MEGF10: variants seen among roughly 807,000 people sequenced by gnomAD.
MEGF10 encodes the protein multiple EGF like domains 10.
MEGF10 carries 86 observed loss-of-function variants against 147.5 expected under a neutral mutation model. That is an observed-to-expected ratio of 0.58 (90% CI 0.49 to 0.70). The LOEUF (loss-of-function observed/expected upper bound fraction) is 0.70. MEGF10 is among the 30% of genes least tolerant of loss of function. The pLI is 0.00. For missense variants in MEGF10, 1,329 were observed against 1,487.3 expected (o/e 0.89, Z 1.75); for synonymous variants, 478 against 525.5 (o/e 0.91, Z 1.24).
chr5:127,440,614 A>G, intron 17 of MEGF10, 125 bp from the exon 18 acceptor site: 2 of 963,996 alleles, frequency 2.1e-6, no homozygotes, highest in Admixed American at 4.2e-5. Flanking sequence ...GATATGTACT[A>G]TTCACTGTAT....
chr5:127,347,233 A>G (rs1761924745), intron 4 of MEGF10, among the ~76,000 whole-genome samples: 1 of 152,056 alleles, frequency 6.6e-6, no homozygotes. Context: ...ACATATACAT[A>G]TGTGTACTTG....
intron 13 of MEGF10, among the ~76,000 whole-genome samples, chr5:127,429,048 A>G (rs1358027229): frequency 6.6e-6 from 1 of 152,244 alleles, no homozygotes; most frequent in Non-Finnish European, 1.5e-5. Context: ...TCTCCTTATC[A>G]GCATTAGAAC....
At chr5:127,417,911 G>C in intron 10 of MEGF10, 99 bp downstream of exon 10, 1 of 1,240,632 alleles carries the variant, frequency 8.1e-7, no homozygotes, top group Non-Finnish European at 1.1e-6. Context: ...CAGTGAATGT[G>C]CTAAAGTCAT....
intron 5 of MEGF10, among the ~76,000 whole-genome samples, chr5:127,370,617 T>G (rs1415247051): frequency 6.6e-6 from 1 of 152,218 alleles, no homozygotes; most frequent in Non-Finnish European, 1.5e-5. Context: ...GAATTATAAT[T>G]CTAAAATGAT....
At chr5:127,368,901 A>G (rs1296757947) in intron 4 of MEGF10, among the ~76,000 whole-genome samples, 1 of 152,192 alleles carries the variant, frequency 6.6e-6, no homozygotes, top group Non-Finnish European at 1.5e-5. Flanking sequence ...TTGAGGAGAA[A>G]AATATGTAGG....
chr5:127,281,652 A>G, the MEGF10 span, among the ~76,000 whole-genome samples: 5 of 152,154 alleles, frequency 3.3e-5, no homozygotes, highest in African/African-American at 9.7e-5. Context: ...GGGATGAAGG[A>G]AAGGACAGGC....
intron 1 of MEGF10, among the ~76,000 whole-genome samples, chr5:127,326,449 A>T (rs1398780549): frequency 6.6e-6 from 1 of 152,202 alleles, no homozygotes; most frequent in Non-Finnish European, 1.5e-5. Flanking sequence ...CAGAGAAGTC[A>T]TGCTAATGCC....
intron 1 of MEGF10, among the ~76,000 whole-genome samples, chr5:127,315,052 G>A (rs1380720040): frequency 6.6e-6 from 1 of 151,968 alleles, no homozygotes; most frequent in Non-Finnish European, 1.5e-5. Flanking sequence ...TATAATAAAG[G>A]CAACAGGGAA....
At chr5:127,232,113 T>C in the MEGF10 span, among the ~76,000 whole-genome samples, 1 of 152,254 alleles carries the variant, frequency 6.6e-6, no homozygotes, top group East Asian at 1.9e-4. Flanking sequence ...GCATTTTTCA[T>C]GGATTTCAAA....
At chr5:127,354,244 G>T (rs78633278) in intron 4 of MEGF10, among the ~76,000 whole-genome samples, 1 of 152,070 alleles carries the variant, frequency 6.6e-6, no homozygotes, top group East Asian at 1.9e-4. Flanking sequence ...ATTTTGAGGC[G>T]AGGGCTTAAA....
chr5:127,252,731 C>A, the MEGF10 span, among the ~76,000 whole-genome samples: 78 of 151,934 alleles, frequency 5.1e-4, no homozygotes, highest in Non-Finnish European at 1.3e-4. Context: ...TTTTAACTTT[C>A]TATGATGAAA....
intron 4 of MEGF10, among the ~76,000 whole-genome samples, chr5:127,354,891 G>T (rs991404557): frequency 5.9e-5 from 9 of 152,194 alleles, no homozygotes; most frequent in African/African-American, 1.9e-4. Flanking sequence ...CCACAGGGGG[G>T]TCTGATTAGG....
rs1766449401 is a variant in MEGF10, at chr5:127,458,546, T to C, written c.*1228T>C. On this transcript the variant is annotated 3_prime_UTR_variant, in exon 25 of 25. Transcript: ENST00000503335. Reference sequence around the variant, plus strand: ...ATTCCTTGTATTATTGCCACTTATCTTTTGCTTGATAAAAATGCGTTGTTC... The same window carrying C: ...ATTCCTTGTATTATTGCCACTTATCCTTTGCTTGATAAAAATGCGTTGTTC... The C allele has an allele frequency of 6.6e-6, 1 of 152,236 alleles. No individual in the cohort carries two copies. Among genetic ancestry groups the C allele is most frequent in the Admixed American group, 6.5e-5 (1 of 15,290 alleles). 9.4% of individuals were successfully genotyped at this position (152,236 alleles called of 1,614,324 possible).
intron 7 of MEGF10, among the ~76,000 whole-genome samples, chr5:127,400,532 C>G (rs1764086249): frequency 6.6e-6 from 1 of 152,216 alleles, no homozygotes; most frequent in African/African-American, 2.4e-5. Flanking sequence ...CTATACTCAG[C>G]CTTTTGCCAG....
chr5:127,440,945 A>G, intron 18 of MEGF10, 78 bp downstream of exon 18: 1 of 1,556,294 alleles, frequency 6.4e-7, no homozygotes, highest in Non-Finnish European at 8.7e-7. Context: ...AGGAAATATT[A>G]AGGCAGAATT....
chr5:127,390,590 C>CT (rs1368125269), intron 5 of MEGF10, among the ~76,000 whole-genome samples: 4 of 152,030 alleles, frequency 2.6e-5, no homozygotes, highest in East Asian at 3.9e-4. Context: ...TGTGCCTGGC[C>CT]TTTTTAAAAT....
intron 8 of MEGF10, among the ~76,000 whole-genome samples, chr5:127,405,826 T>G (rs986804363): frequency 5.3e-5 from 8 of 152,130 alleles, no homozygotes; most frequent in African/African-American, 1.9e-4. Flanking sequence ...TTAATTTCAT[T>G]AAATGCCTTT....
chr5:127,350,963 T>G (rs1280024443), intron 4 of MEGF10, among the ~76,000 whole-genome samples: 3 of 146,842 alleles, frequency 2.0e-5, no homozygotes, highest in Non-Finnish European at 3.0e-5. Context: ...CTCATGGGGG[T>G]AGAGAGTAGA....
the MEGF10 span, among the ~76,000 whole-genome samples, chr5:127,230,253 C>T: frequency 6.6e-6 from 1 of 152,094 alleles, no homozygotes; most frequent in South Asian, 2.1e-4. Flanking sequence ...CACTTTTTCC[C>T]CTTCCTAGCC....
Sources: allele counts gnomAD v4.1 joint callset (sites outside exome capture counted in the v4.1 genomes callset), GRCh38; gene constraint gnomAD v4.1.1; transcripts MANE v1.5; gene names NCBI Gene and HGNC (gene_info 2026-07-23, HGNC 2026-07-21).